AGAP3: variants seen among roughly 807,000 people sequenced by gnomAD.
AGAP3 encodes the protein arf-GAP with GTPase, ANK repeat and PH domain-containing protein 3.
Under a neutral mutation model 96.9 loss-of-function variants are expected in AGAP3, and 24 were observed. The ratio of observed to expected loss-of-function variants is 0.25; its 90% CI spans 0.18 to 0.35. The LOEUF (loss-of-function observed/expected upper bound fraction) is 0.35. Among genes scored for constraint, AGAP3 ranks in the 10% least tolerant of loss-of-function variants. AGAP3 has a pLI of 1.00. For synonymous variants in AGAP3, 563 were observed against 536.1 expected (o/e 1.05, Z -0.69); for missense variants, 876 against 1,254.2 (o/e 0.70, Z 4.55).
intron 1 of AGAP3, among the ~76,000 whole-genome samples, chr7:151,095,369 G>GGGCTTTGTGCCTGTTCCTTTT (rs1798559800): frequency 1.3e-5 from 2 of 152,202 alleles, no homozygotes; most frequent in Admixed American, 1.3e-4. Context: ...CTGTACCTTA[G>GGGCTTTGTGCCTGTTCCTTTT]GGCTTTGTGC....
intron 9 of AGAP3, among the ~76,000 whole-genome samples, chr7:151,127,826 G>A (rs144413392): frequency 6.0e-4 from 92 of 152,278 alleles, no homozygotes; most frequent in East Asian, 6.0e-3. Context: ...TCCTGCATTC[G>A]TCATCTGACA....
chr7:151,086,353 C>G (rs1798141108), upstream of AGAP3, among the ~76,000 whole-genome samples: 1 of 115,606 alleles, frequency 8.7e-6, no homozygotes, highest in Admixed American at 9.4e-5. Flanking sequence ...CGGGCCGGCG[C>G]GCAGGAGGGG....
At chr7:151,123,721 G>A (rs1229609250) in intron 8 of AGAP3, 73 bp from the exon 9 acceptor site, 58 of 1,592,334 alleles carry the variant, frequency 3.6e-5, no homozygotes, top group Non-Finnish European at 6.0e-6. Context: ...CAGGAGGGAG[G>A]CCGGGAAGTC....
At position 151,120,125 on chromosome 7, in the gene AGAP3, C is replaced by T; in HGVS notation, c.1108C>T (p.Arg370Trp). The T allele has an allele frequency of 6.2e-7, 1 of 1,611,856 alleles. No homozygotes were observed. Among genetic ancestry groups the T allele is most frequent in the Non-Finnish European group, 8.5e-7 (1 of 1,178,802 alleles). ...CACACCCATCCGAAAGCAGTCCAAG[C>T]GGCGCTCCAACATCTTCACGGTACG... Reference protein sequence around the residue: ...TPTPIRKQSKRRSNIFTSRKG... With the variant: ...TPTPIRKQSKWRSNIFTSRKG... Residue 370 changes from arginine (R) to tryptophan (W), a missense_variant, in exon 8 of 18, where the codon CGG becomes TGG. Transcript: ENST00000397238.
intron 8 of AGAP3, chr7:151,123,159 C>A: frequency 9.2e-7 from 1 of 1,090,538 alleles, no homozygotes; most frequent in South Asian, 2.9e-5. Flanking sequence ...CTCCTTCCTG[C>A]ATGGACCTCT....
intron 1 of AGAP3, among the ~76,000 whole-genome samples, chr7:151,107,540 A>T (rs1443137247): frequency 6.7e-6 from 1 of 148,484 alleles, no homozygotes; most frequent in Non-Finnish European, 1.5e-5. Context: ...GGGAGGATCG[A>T]TTGAGCCCAG....
rs780415994 is a variant in AGAP3, at chr7:151,143,605, C to T, written c.2529+9C>T. ...CGCAGCTGCTCATCTGGGTGAGTCA[C>T]GTGCCTCTAGCCTGCCCTGACCTCG... On this transcript the variant is annotated intron_variant, in intron 17 of 17. Coordinates refer to ENST00000397238, the MANE Select transcript of AGAP3 (RefSeq NM_031946.7). This position sits in a 1 kb window ranked among gnomAD's most constrained non-coding sequence, Gnocchi z 5.9. 1.4e-5 allele frequency: 23 copies of T among 1,597,992 alleles called. No individual in the cohort carries two copies. Among genetic ancestry groups the T allele is most frequent in the African/African-American group, 9.4e-5 (7 of 74,726 alleles).
chr7:151,139,909 C>T lies in AGAP3; in HGVS notation c.1667-70C>T. On this transcript the variant is annotated intron_variant, in intron 12 of 17. Transcript: ENST00000397238. The surrounding 1 kb of genome is among the most constrained non-coding windows in gnomAD (Gnocchi z 4.9). ...TGGCAGGACTGGTCCTCTCCTCCTC[C>T]CAGTGCCCTGCGCCCCTCCCCTCCT... 7.2e-7 allele frequency: 1 copy of T among 1,382,452 alleles called. No homozygotes were observed. The allele number at this position is 1,382,452 out of a possible 1,614,324, so 85.6% of individuals were successfully genotyped here.
Position 151,138,181 on chromosome 7 carries a change from G to T in AGAP3, c.1534G>T (p.Glu512Ter). 6.2e-7 allele frequency: 1 copy of T among 1,608,816 alleles called. No homozygotes were observed. The change falls in exon 12 of 18, where the codon GAG becomes TAG. Residue 512 changes from glutamate to a stop codon, truncating the protein, a stop_gained. Coordinates refer to ENST00000397238, the MANE Select transcript of AGAP3 (RefSeq NM_031946.7). LOFTEE classifies it high-confidence loss of function. Reference sequence around the variant, plus strand: ...GGCCAGCAGCGCATCCCTGCACTCTGAGCGCCCCCTCAGCAGCTCGGCCTG... The same window carrying T: ...GGCCAGCAGCGCATCCCTGCACTCTTAGCGCCCCCTCAGCAGCTCGGCCTG... The part of the protein sequence containing the change: ...HSASSASLHS[E>*]RPLSSSAWAG...
chr7:151,087,780 C>G (rs1204971715), intron 1 of AGAP3, among the ~76,000 whole-genome samples: 1 of 152,276 alleles, frequency 6.6e-6, no homozygotes, highest in Non-Finnish European at 1.5e-5. Flanking sequence ...AAACCCCCGG[C>G]CACTGCGCTG....
At position 151,104,405 on chromosome 7, in the gene AGAP3, C is replaced by T. The variant is rs542314194; in HGVS notation, c.332-12388C>T. On this transcript the variant is annotated intron_variant, in intron 1 of 17. Coordinates refer to ENST00000397238, the MANE Select transcript of AGAP3 (RefSeq NM_031946.7). Reference sequence around the variant, plus strand: ...GCACATGTGCCGGATACATGCTTTGCGTGCCCGCTATACGAAGAGCTCCTG... The same window carrying T: ...GCACATGTGCCGGATACATGCTTTGTGTGCCCGCTATACGAAGAGCTCCTG... Among the ~76,000 whole-genome samples the T allele has an allele frequency of 2.3e-4, 35 of 152,268 alleles. 1 individual carries two copies. In the South Asian group the frequency reaches 3.7e-3, roughly 16 times the overall value.
chr7:151,121,948 C>A (rs777501667), intron 8 of AGAP3, among the ~76,000 whole-genome samples: 55 of 152,212 alleles, frequency 3.6e-4, no homozygotes, highest in Non-Finnish European at 7.2e-4. Flanking sequence ...TGGCTAGTGA[C>A]CCCCTACTGG....
chr7:151,139,410 G>C lies in AGAP3; in HGVS notation c.1667-569G>C, dbSNP rs533594937. 6.6e-6 allele frequency among the ~76,000 whole-genome samples: 1 copy of C among 152,204 alleles called. No individual in the cohort carries two copies. The highest frequency in any genetic ancestry group is 3.2e-3 in the Middle Eastern group (1 of 316). ...GGCCCTTCCCTTGGGTCACCGGTCC[G>C]GTGGCCTGTGCTGGCCTGCGTGAGG... is the stretch of plus-strand genomic sequence containing the variant. On this transcript the variant is annotated intron_variant, in intron 12 of 17. Coordinates refer to ENST00000397238, the MANE Select transcript of AGAP3 (RefSeq NM_031946.7). This position sits in a 1 kb window ranked among gnomAD's most constrained non-coding sequence, Gnocchi z 4.9.
At chr7:151,086,345 G>A (rs1434841609), upstream of AGAP3, among the ~76,000 whole-genome samples, 2 of 143,176 alleles carry the variant, frequency 1.4e-5, no homozygotes, top group Admixed American at 6.9e-5. Flanking sequence ...GGGGCGCCCG[G>A]GCCGGCGCGC....
chr7:151,143,853 G>A lies in AGAP3; in HGVS notation c.2646G>A (p.Glu882=). 1 of 1,614,032 alleles carries A rather than the reference G, an allele frequency of 6.2e-7. No homozygotes were observed. The highest frequency in any genetic ancestry group is 8.5e-7 in the Non-Finnish European group (1 of 1,180,040). The part of the protein sequence containing the change: ...DILIQHGCPG[E]GCGLAPTPNR... ...TGATCCAGCATGGCTGCCCTGGGGAGGGCTGTGGCTTAGCGCCTACCCCCA... is the reference window on the plus strand; with the variant it reads ...TGATCCAGCATGGCTGCCCTGGGGAAGGCTGTGGCTTAGCGCCTACCCCCA... Residue 882 remains glutamate (E), a synonymous_variant, in exon 18 of 18, where the codon GAG becomes GAA. Transcript: ENST00000397238. This position sits in a 1 kb window ranked among gnomAD's most constrained non-coding sequence, Gnocchi z 5.9.
chr7:151,129,121 G>A (rs1438489824), intron 10 of AGAP3, among the ~76,000 whole-genome samples: 1 of 152,104 alleles, frequency 6.6e-6, no homozygotes, highest in African/African-American at 2.4e-5. Flanking sequence ...CTTGTCTGTG[G>A]TTAGGAGGGT....
intron 8 of AGAP3, chr7:151,123,290 C>T: frequency 9.5e-7 from 1 of 1,050,712 alleles, no homozygotes; most frequent in Non-Finnish European, 1.1e-6. Flanking sequence ...AGGAGCTTGA[C>T]AGGGTGCAGG....
At chr7:151,123,513 G>T in intron 8 of AGAP3, 1 of 1,243,038 alleles carries the variant, frequency 8.0e-7, no homozygotes. Context: ...TTACGCCCCC[G>T]CCCCGGGCGT....
chr7:151,115,115 CG>C (rs1424805395), intron 1 of AGAP3: 1 of 1,034,000 alleles, frequency 9.7e-7, no homozygotes, highest in South Asian at 3.3e-5. Flanking sequence ...GCCGCACCCG[CG>C]GGGAGCCGAC....
Sources: gnomAD v4.1 joint callset for allele counts (sites outside exome capture counted in the v4.1 genomes callset) on GRCh38, gnomAD v4.1.1 for gene constraint, Gnocchi (gnomAD v3.1) non-coding constraint, MANE v1.5 for transcripts, NCBI Gene and HGNC (gene_info 2026-07-23, HGNC 2026-07-21) for gene names.